MBNL2: variants seen among roughly 807,000 people sequenced by gnomAD.
MBNL2 encodes muscleblind like splicing regulator 2, also known as muscleblind-like protein 2.
In MBNL2, 17 loss-of-function variants were observed where a neutral mutation model predicts 41.9. The ratio of observed to expected loss-of-function variants is 0.41; its 90% CI spans 0.28 to 0.61. The LOEUF (loss-of-function observed/expected upper bound fraction) is 0.61, where lower values mean the gene tolerates loss of function less well. Among genes scored for constraint, MBNL2 ranks in the 20% least tolerant of loss-of-function variants. The pLI is 0.35. For synonymous variants in MBNL2, 195 were observed against 182.9 expected, an observed-to-expected ratio of 1.07 and a Z score of -0.53; for missense variants, 336 against 505.6, an observed-to-expected ratio of 0.66 and a Z score of 3.22.
the MBNL2 span, among the ~76,000 whole-genome samples, chr13:97,200,064 GC>G: frequency 5.9e-5 from 9 of 152,220 alleles, no homozygotes; most frequent in South Asian, 1.5e-3. Flanking sequence ...ATGAATTGAA[GC>G]CCCATAAATT....
chr13:97,308,994 G>T (rs2058353990), intron 2 of MBNL2, among the ~76,000 whole-genome samples: 1 of 152,198 alleles, frequency 6.6e-6, no homozygotes, highest in African/African-American at 2.4e-5. Context: ...GCCTGTGGGG[G>T]TGAAGTAAGA....
chr13:97,220,440 G>T (rs1306390889), upstream of MBNL2, among the ~76,000 whole-genome samples: 1 of 152,206 alleles, frequency 6.6e-6, no homozygotes, highest in Non-Finnish European at 1.5e-5. Context: ...GAGGTCTAAA[G>T]ATTGAGTAAG....
intron 7 of MBNL2, among the ~76,000 whole-genome samples, chr13:97,362,004 C>T (rs2063450329): frequency 6.6e-6 from 1 of 151,920 alleles, no homozygotes; most frequent in Non-Finnish European, 1.5e-5. Context: ...ATCTCCTTGA[C>T]CTTGTGATCC....
chr13:97,363,980 C>T (rs962462115), intron 7 of MBNL2, among the ~76,000 whole-genome samples: 4 of 152,150 alleles, frequency 2.6e-5, no homozygotes, highest in Non-Finnish European at 5.9e-5. Context: ...CCTACATTTA[C>T]GAGAAACTAC....
chr13:97,179,371 T>G, the MBNL2 span: 1 of 152,248 alleles, frequency 6.6e-6, no homozygotes, highest in African/African-American at 2.4e-5. Context: ...TCACTCTTCA[T>G]TTCTTCACAC....
chr13:97,224,142 C>CT (rs2041229926), intron 1 of MBNL2, among the ~76,000 whole-genome samples: 1 of 152,186 alleles, frequency 6.6e-6, no homozygotes, highest in South Asian at 2.1e-4. Flanking sequence ...CAGGGCAAAG[C>CT]TTTTTTTCTG....
chr13:97,220,584 G>C (rs1207800179), upstream of MBNL2, among the ~76,000 whole-genome samples: 1 of 152,218 alleles, frequency 6.6e-6, no homozygotes, highest in Non-Finnish European at 1.5e-5. Context: ...AGAAAGGTTT[G>C]AATGTGAAAG....
At position 97,304,584 on chromosome 13, in the gene MBNL2, G is replaced by C. The variant is rs117159859; in HGVS notation, c.174+28175G>C. Among the ~76,000 whole-genome samples the C allele has an allele frequency of 1.1e-3, 172 of 152,192 alleles. 5 individuals carry two copies. In the East Asian group the frequency reaches 0.029, roughly 25 times the overall value. ...CATAGTATAAGATCTTTAAAGACTT[G>C]ATTTTGGATCCCAGATCTGTCATTT... is the stretch of plus-strand genomic sequence containing the variant. On this transcript the variant is annotated intron_variant, in intron 2 of 8. Transcript: ENST00000679496.
intron 1 of MBNL2, among the ~76,000 whole-genome samples, chr13:97,243,013 A>G (rs1431868361): frequency 6.6e-6 from 1 of 152,126 alleles, no homozygotes; most frequent in Admixed American, 6.5e-5. Flanking sequence ...CTTGCCCTCT[A>G]TCAGCCTGAA....
At chr13:97,303,293 C>G (rs2057815718) in intron 2 of MBNL2, among the ~76,000 whole-genome samples, 1 of 152,204 alleles carries the variant, frequency 6.6e-6, no homozygotes, top group South Asian at 2.1e-4. Context: ...AGTCACAAGG[C>G]AAATACCAGC....
At chr13:97,237,632 C>A (rs1030831905) in intron 1 of MBNL2, among the ~76,000 whole-genome samples, 1 of 152,148 alleles carries the variant, frequency 6.6e-6, no homozygotes, top group African/African-American at 2.4e-5. Context: ...TAGATAAAAT[C>A]ACATTGTGTG....
intron 1 of MBNL2, among the ~76,000 whole-genome samples, chr13:97,225,440 G>A (rs1488534111): frequency 6.6e-6 from 1 of 152,174 alleles, no homozygotes; most frequent in Non-Finnish European, 1.5e-5. Flanking sequence ...AGGGGTGAAG[G>A]ATTCTGATTC....
intron 2 of MBNL2, among the ~76,000 whole-genome samples, chr13:97,328,330 C>T (rs1238735599): frequency 2.6e-5 from 4 of 152,192 alleles, no homozygotes; most frequent in Non-Finnish European, 5.9e-5. Context: ...ATTTCAGAGG[C>T]TCTTCCATGA....
intron 2 of MBNL2, among the ~76,000 whole-genome samples, chr13:97,313,476 G>T (rs1441307082): frequency 6.6e-6 from 1 of 152,192 alleles, no homozygotes; most frequent in Non-Finnish European, 1.5e-5. Context: ...ACAGAAGAGG[G>T]AAATGGAATT....
intron 2 of MBNL2, among the ~76,000 whole-genome samples, chr13:97,280,411 A>G (rs2053129114): frequency 6.6e-6 from 1 of 152,250 alleles, no homozygotes; most frequent in Admixed American, 6.5e-5. Flanking sequence ...ACAATTTTAA[A>G]AATAGTATTG....
At chr13:97,316,170 G>T (rs2059034414) in intron 2 of MBNL2, among the ~76,000 whole-genome samples, 1 of 152,120 alleles carries the variant, frequency 6.6e-6, no homozygotes, top group African/African-American at 2.4e-5. Context: ...CCCCTTCCAG[G>T]GGCTCAGGCC....
intron 1 of MBNL2, among the ~76,000 whole-genome samples, chr13:97,228,716 G>C (rs1306097368): frequency 6.6e-6 from 1 of 151,606 alleles, no homozygotes; most frequent in Admixed American, 6.6e-5. Context: ...TTTTAGTAGA[G>C]ACAGGGTTTC....
intron 2 of MBNL2, among the ~76,000 whole-genome samples, chr13:97,318,892 G>A (rs1036016564): frequency 5.9e-5 from 9 of 152,226 alleles, no homozygotes; most frequent in African/African-American, 1.9e-4. Flanking sequence ...GAGCCTGGGT[G>A]TGTTGTCTCA....
the MBNL2 span, among the ~76,000 whole-genome samples, chr13:97,164,786 T>C: frequency 1.3e-3 from 192 of 152,354 alleles, no homozygotes; most frequent in African/African-American, 4.5e-3. Context: ...AACCCTGTTC[T>C]GATTTTGCTC....
Sources: allele counts gnomAD v4.1 joint callset (sites outside exome capture counted in the v4.1 genomes callset), GRCh38; gene constraint gnomAD v4.1.1; transcripts MANE v1.5; gene names NCBI Gene and HGNC (gene_info 2026-07-23, HGNC 2026-07-21).